Variants in SNED1 observed in about 807,000 individuals in gnomAD.
The protein encoded by SNED1 is sushi, nidogen and EGF-like domain-containing protein 1.
In SNED1, 81 loss-of-function variants were observed where a neutral mutation model predicts 166.7. The ratio of observed to expected loss-of-function variants is 0.49; its 90% CI spans 0.41 to 0.58. The LOEUF is 0.58. Among genes scored for constraint, SNED1 ranks in the 20% least tolerant of loss-of-function variants. The pLI, the probability that SNED1 is intolerant of heterozygous loss-of-function variation, is 0.00. For missense variants in SNED1, 1,604 were observed against 2,000.2 expected, an observed-to-expected ratio of 0.80 and a Z score of 3.78; for synonymous variants, 762 against 822.0, an observed-to-expected ratio of 0.93 and a Z score of 1.25.
intron 1 of SNED1, among the ~76,000 whole-genome samples, chr2:241,007,116 G>C (rs10933527): frequency 6.6e-6 from 1 of 152,182 alleles, no homozygotes; most frequent in South Asian, 2.1e-4. Context: ...CTTTGCATCA[G>C]TGTTAAATTT....
intron 1 of SNED1, among the ~76,000 whole-genome samples, chr2:241,014,668 A>T (rs1237760058): frequency 6.6e-6 from 1 of 152,054 alleles, no homozygotes; most frequent in Non-Finnish European, 1.5e-5. Context: ...GGTGCTGCAA[A>T]TATCTTTTCT....
Position 241,040,166 on chromosome 2 carries a change from C to T in SNED1, c.1137C>T (p.Tyr379=), listed in dbSNP as rs779054749. 7 of 1,599,960 alleles carry T rather than the reference C, an allele frequency of 4.4e-6. No individual in the cohort carries two copies. In the East Asian group the frequency reaches 1.1e-4, roughly 26 times the overall value. The part of the protein sequence containing the change: ...GSAVCVCQAG[Y]TGAACEMDVD... ...CGGTGTGTGTGTGCCAGGCCGGATA[C>T]ACCGGAGCAGCCTGCGAGATGGGTG... is the stretch of plus-strand genomic sequence containing the variant. The change falls in exon 7 of 32, where the codon TAC becomes TAT. Residue 379 remains tyrosine (Y), a synonymous_variant. Transcript: ENST00000310397.
At position 241,093,767 on chromosome 2, in the gene SNED1, A is replaced by C. The variant is rs2125368520; in HGVS notation, c.*2131A>C. On this transcript the variant is annotated 3_prime_UTR_variant, in exon 32 of 32. Coordinates refer to ENST00000310397, the MANE Select transcript of SNED1 (RefSeq NM_001080437.3). ...TTACAGTTCGTTCTTGAAACATTCC[A>C]AAGAGGCCACCACAGCTTTTCCCAT... 1 of 152,502 alleles carries C rather than the reference A, an allele frequency of 6.6e-6. No homozygotes were observed. The highest frequency in any genetic ancestry group is 1.5e-5 in the Non-Finnish European group (1 of 68,158). 9.4% of individuals were successfully genotyped at this position (152,502 alleles called of 1,614,324 possible).
rs541448287 is a variant in SNED1 at position 241,093,698 on chromosome 2, T to C, written c.*2062T>C. ...ACAGGACTTGCCCATTGGGATGTTT[T>C]CCACATTAAATATCAAGTAAAAAGA... On this transcript the variant is annotated 3_prime_UTR_variant, in exon 32 of 32. Transcript: ENST00000310397. The C allele has an allele frequency of 6.6e-6, 1 of 152,416 alleles. No homozygotes were observed. The highest frequency in any genetic ancestry group is 1.9e-4 in the East Asian group (1 of 5,184). The allele number at this position is 152,416 out of a possible 1,614,324, so 9.4% of individuals were successfully genotyped here.
chr2:241,088,764 G>A, intron 31 of SNED1: 1 of 281,928 alleles, frequency 3.5e-6, no homozygotes, highest in Non-Finnish European at 6.6e-6. Context: ...AGACCACCTG[G>A]CACCTGGGAG....
chr2:241,000,213 C>T (rs1574821847), intron 1 of SNED1, among the ~76,000 whole-genome samples: 1 of 152,194 alleles, frequency 6.6e-6, no homozygotes, highest in East Asian at 1.9e-4. Flanking sequence ...CCTCCATCCA[C>T]AGGGCCTCCT....
intron 1 of SNED1, among the ~76,000 whole-genome samples, chr2:241,001,897 A>G (rs913140650): frequency 6.6e-6 from 1 of 152,102 alleles, no homozygotes; most frequent in Admixed American, 6.5e-5. Context: ...GCCCGCAGGC[A>G]AGAAGGAGGA....
chr2:241,048,643 C>G lies in SNED1; in HGVS notation c.1400-19C>G. The G allele has an allele frequency of 6.3e-7, 1 of 1,593,620 alleles. No homozygotes were observed. The highest frequency in any genetic ancestry group is 1.1e-5 in the South Asian group (1 of 87,614). On this transcript the variant is annotated intron_variant, in intron 9 of 31. Coordinates refer to ENST00000310397, the MANE Select transcript of SNED1 (RefSeq NM_001080437.3). ...TTCTGCGCCCCCACATGGGAGGCTCCTCCCTCTCTTCGTGGCAGGAGTCCC... is the reference window on the plus strand; with the variant it reads ...TTCTGCGCCCCCACATGGGAGGCTCGTCCCTCTCTTCGTGGCAGGAGTCCC...
At chr2:241,046,742 A>G (rs1032917094) in intron 8 of SNED1, among the ~76,000 whole-genome samples, 15 of 152,232 alleles carry the variant, frequency 9.9e-5, no homozygotes, top group African/African-American at 3.6e-4. Context: ...AAACAAATCT[A>G]TATATGTGTT....
Position 241,064,427 on chromosome 2 carries a change from G to A in SNED1, c.2599+302G>A, listed in dbSNP as rs970174030. On this transcript the variant is annotated intron_variant, in intron 19 of 31. Transcript: ENST00000310397. The surrounding 1 kb of genome is among the most constrained non-coding windows in gnomAD (Gnocchi z 7.0). ...TCCACACATAGGCCCTGCTGCCCTT[G>A]GACAGGCCAAGTTTCTTGCACACCC... 6.6e-6 allele frequency among the ~76,000 whole-genome samples: 1 copy of A among 152,190 alleles called. No homozygotes were observed. The highest frequency in any genetic ancestry group is 1.5e-5 in the Non-Finnish European group (1 of 68,026).
intron 1 of SNED1, among the ~76,000 whole-genome samples, chr2:241,016,851 T>TTTC (rs2060611098): frequency 1.6e-5 from 1 of 60,748 alleles, no homozygotes; most frequent in African/African-American, 5.3e-5. Flanking sequence ...TCTTTCTTTC[T>TTTC]TTTTTTTTTT....
Position 241,065,522 on chromosome 2 carries a change from C to T in SNED1, c.2937C>T (p.Ser979=), listed in dbSNP as rs771010498. Residue 979 remains serine (S), a synonymous_variant, in exon 21 of 32, where the codon TCC becomes TCT. Coordinates refer to ENST00000310397, the MANE Select transcript of SNED1 (RefSeq NM_001080437.3). ...CGGCCGGCAGGGCCTACAACATCTCCGTCTTCTCAGTGAAGCGAAACAGTA... is the reference window on the plus strand; with the variant it reads ...CGGCCGGCAGGGCCTACAACATCTCTGTCTTCTCAGTGAAGCGAAACAGTA... ...ALAAGRAYNI[S]VFSVKRNSNN... is the part of the protein sequence containing the mutation. 2.5e-5 allele frequency: 40 copies of T among 1,612,874 alleles called. No individual in the cohort carries two copies. The highest frequency in any genetic ancestry group is 4.5e-5 in the East Asian group (2 of 44,884).
At position 241,065,312 on chromosome 2, in the gene SNED1, G is replaced by A. The variant is rs200159903; in HGVS notation, c.2727G>A (p.Pro909=). The change falls in exon 21 of 32, where the codon CCG becomes CCA. Residue 909 remains proline, a synonymous_variant. Transcript: ENST00000310397. ...CAAACCCTGAAGAGCTCTTCCCACC[G>A]ACGGCCCTCAAGATGGAGAGAGTGG... ...GEDCAKELFP[P]TALKMERVEE... The A allele has an allele frequency of 1.3e-4, 204 of 1,612,722 alleles. No homozygotes were observed. In the East Asian group the frequency reaches 2.9e-3, roughly 23 times the overall value.
intron 2 of SNED1, among the ~76,000 whole-genome samples, chr2:241,031,679 C>G (rs780075460): frequency 2.0e-5 from 3 of 152,276 alleles, no homozygotes; most frequent in Non-Finnish European, 4.4e-5. Flanking sequence ...TGGGCCCTTA[C>G]TGGCTCTAGT....
rs1429911844 is a variant in SNED1 at position 241,018,385 on chromosome 2, C to T, written c.214-11899C>T. Among the ~76,000 whole-genome samples the T allele has an allele frequency of 6.6e-6, 1 of 152,172 alleles. No homozygotes were observed. Among genetic ancestry groups the T allele is most frequent in the Non-Finnish European group, 1.5e-5 (1 of 68,024 alleles). On this transcript the variant is annotated intron_variant, in intron 1 of 31. Coordinates refer to ENST00000310397, the MANE Select transcript of SNED1 (RefSeq NM_001080437.3). This position sits in a 1 kb window ranked among gnomAD's most constrained non-coding sequence, Gnocchi z 5.4. ...GGGAACCCAGCGCAGGTCAGGTTGC[C>T]AGCTCAGCAGTAGCCTGACTCAGGC...
intron 31 of SNED1, chr2:241,089,064 G>GC: frequency 4.8e-6 from 2 of 419,686 alleles, no homozygotes; most frequent in South Asian, 4.4e-5. Context: ...ACCCCATCCT[G>GC]CCCCCACCTC....
Position 241,065,607 on chromosome 2 carries a change from C to T in SNED1, c.3010+12C>T, listed in dbSNP as rs753166020. On this transcript the variant is annotated intron_variant, in intron 21 of 31. Coordinates refer to ENST00000310397, the MANE Select transcript of SNED1 (RefSeq NM_001080437.3). ...GCTGGCCCGCACGCGTGAGTGTCCCCGAGCCTGGCCGTCCCTGCCCAGCCC... is the reference window on the plus strand; with the variant it reads ...GCTGGCCCGCACGCGTGAGTGTCCCTGAGCCTGGCCGTCCCTGCCCAGCCC... The T allele has an allele frequency of 2.0e-5, 32 of 1,607,484 alleles. No homozygotes were observed. The highest frequency in any genetic ancestry group is 1.6e-4 in the East Asian group (7 of 44,678).
rs923136382 is a variant in SNED1, at chr2:241,092,215, C to G, written c.*579C>G. 7 of 152,172 alleles carry G rather than the reference C, an allele frequency of 4.6e-5. No individual in the cohort carries two copies. The highest frequency in any genetic ancestry group is 1.3e-4 in the Admixed American group (2 of 15,282). The allele number at this position is 152,172 out of a possible 1,614,324, so 9.4% of individuals were successfully genotyped here. On this transcript the variant is annotated 3_prime_UTR_variant, in exon 32 of 32. Coordinates refer to ENST00000310397, the MANE Select transcript of SNED1 (RefSeq NM_001080437.3). The surrounding 1 kb of genome is among the most constrained non-coding windows in gnomAD (Gnocchi z 4.6). ...GCGTGTTTATGACGCTCGTGCAGGT[C>G]GACGAGCCATCCTATGGACTAGTTA...
intron 16 of SNED1, among the ~76,000 whole-genome samples, chr2:241,061,329 G>A (rs2062222751): frequency 6.6e-6 from 1 of 152,186 alleles, no homozygotes; most frequent in South Asian, 2.1e-4. Flanking sequence ...GGTACATTCA[G>A]CTGGTAAATT....
Sources: allele counts gnomAD v4.1 joint callset (sites outside exome capture counted in the v4.1 genomes callset), GRCh38; gene constraint gnomAD v4.1.1; non-coding constraint Gnocchi (gnomAD v3.1); transcripts MANE v1.5; gene names NCBI Gene and HGNC (gene_info 2026-07-23, HGNC 2026-07-21).